The following NALCN variants were observed in gnomAD, a reference collection of about 807,000 sequenced individuals.
The protein encoded by NALCN is sodium leak channel NALCN.
NALCN carries 111 observed loss-of-function variants against 225.3 expected under a neutral mutation model. The ratio of observed to expected loss-of-function variants is 0.49; its 90% CI spans 0.42 to 0.58. NALCN has a LOEUF of 0.58. Among genes scored for constraint, NALCN ranks in the 20% least tolerant of loss-of-function variants. The pLI, the probability that NALCN is intolerant of heterozygous loss-of-function variation, is 0.00. For missense variants in NALCN, 1,378 were observed against 2,202.4 expected, an observed-to-expected ratio of 0.63 and a Z score of 7.49; for synonymous variants, 764 against 769.0, an observed-to-expected ratio of 0.99 and a Z score of 0.11.
chr13:101,413,892 T>C, intron 1 of NALCN, among the ~76,000 whole-genome samples: 1 of 151,952 alleles, frequency 6.6e-6, no homozygotes, highest in East Asian at 1.9e-4. Flanking sequence ...TCTTTTTTTA[T>C]TTTTAAACAG....
At chr13:101,171,186 G>A (rs1007617859) in intron 15 of NALCN, among the ~76,000 whole-genome samples, 14 of 150,994 alleles carry the variant, frequency 9.3e-5, no homozygotes, top group African/African-American at 3.4e-4. Flanking sequence ...TTATATATAT[G>A]TGTGTATAAA....
chr13:101,133,035 C>G (rs1310731670), intron 17 of NALCN, among the ~76,000 whole-genome samples: 1 of 152,076 alleles, frequency 6.6e-6, no homozygotes, highest in East Asian at 1.9e-4. Context: ...ATATTTTACA[C>G]TTACTGATTC....
intron 6 of NALCN, among the ~76,000 whole-genome samples, chr13:101,350,879 C>T (rs1298227689): frequency 6.6e-6 from 1 of 152,208 alleles, no homozygotes; most frequent in East Asian, 1.9e-4. Flanking sequence ...TCAGCTTCTG[C>T]TGAAATTTCC....
At chr13:101,384,051 G>A (rs1414516284) in intron 3 of NALCN, among the ~76,000 whole-genome samples, 2 of 151,988 alleles carry the variant, frequency 1.3e-5, no homozygotes, top group South Asian at 2.1e-4. Context: ...TCAAATTATC[G>A]TCAGAAGCCC....
At chr13:101,258,612 T>A in intron 10 of NALCN, 38 bp from the exon 11 acceptor site, 8 of 1,613,250 alleles carry the variant, frequency 5.0e-6, no homozygotes, top group Non-Finnish European at 6.8e-6. Flanking sequence ...AACAAAGAAA[T>A]AAACCTCATG....
intron 15 of NALCN, among the ~76,000 whole-genome samples, chr13:101,161,746 C>A (rs1486714404): frequency 2.0e-5 from 3 of 152,196 alleles, no homozygotes; most frequent in Non-Finnish European, 4.4e-5. Context: ...GTGGCGCACG[C>A]CTGTAATCCC....
intron 7 of NALCN, among the ~76,000 whole-genome samples, chr13:101,294,184 A>C (rs868406717): frequency 1.1e-4 from 16 of 152,152 alleles, no homozygotes; most frequent in African/African-American, 3.9e-4. Context: ...CTTGATTGAG[A>C]CTGGGGCTTT....
In NALCN at chr13:101,260,514, G is replaced by A. The variant is rs181147376; in HGVS notation, c.1135-1940C>T. On this transcript the variant is annotated intron_variant, in intron 10 of 43. Coordinates refer to ENST00000251127, the MANE Select transcript of NALCN (RefSeq NM_052867.4). ...AGTGTAGAAGGGTTCCCTTTTCTTC[G>A]CATCCTCACCAGCATTTATTATTGC... Among the ~76,000 whole-genome samples the A allele has an allele frequency of 1.1e-4, 17 of 152,082 alleles. 1 individual carries two copies. The highest frequency in any genetic ancestry group is 9.2e-4 in the Admixed American group (14 of 15,272).
chr13:101,257,123 C>T (rs1287784486), intron 11 of NALCN, among the ~76,000 whole-genome samples: 3 of 151,662 alleles, frequency 2.0e-5, no homozygotes, highest in Non-Finnish European at 4.4e-5. Context: ...AAAATTATAC[C>T]TATTTTTCAG....
At chr13:101,158,625 T>C (rs1478695401) in intron 15 of NALCN, among the ~76,000 whole-genome samples, 1 of 152,254 alleles carries the variant, frequency 6.6e-6, no homozygotes, top group Non-Finnish European at 1.5e-5. Context: ...ATCTGCACCA[T>C]TCTTCAGAAG....
chr13:101,386,741 G>T (rs1198210839), intron 3 of NALCN, among the ~76,000 whole-genome samples: 1 of 151,994 alleles, frequency 6.6e-6, no homozygotes, highest in Non-Finnish European at 1.5e-5. Flanking sequence ...TATAAACTAG[G>T]TATCATTGGA....
At chr13:101,268,810 A>T (rs1594568002) in intron 10 of NALCN, among the ~76,000 whole-genome samples, 1 of 152,236 alleles carries the variant, frequency 6.6e-6, no homozygotes. Flanking sequence ...GAAAGCTTCA[A>T]TTTAGGACAA....
intron 15 of NALCN, among the ~76,000 whole-genome samples, chr13:101,154,058 A>G (rs953790818): frequency 1.3e-5 from 2 of 152,322 alleles, no homozygotes; most frequent in South Asian, 4.1e-4. Context: ...ATTTCTCAGA[A>G]TAACAACTGG....
intron 15 of NALCN, among the ~76,000 whole-genome samples, chr13:101,155,163 C>G (rs2139840653): frequency 6.6e-6 from 1 of 152,276 alleles, no homozygotes; most frequent in African/African-American, 2.4e-5. Context: ...AAAGATAGTA[C>G]AGAGAGTTCC....
intron 34 of NALCN, among the ~76,000 whole-genome samples, chr13:101,079,928 C>G (rs943520833): frequency 1.3e-5 from 2 of 152,114 alleles, no homozygotes; most frequent in African/African-American, 4.8e-5. Context: ...CAGCATGTCT[C>G]TAACACTAAG....
intron 7 of NALCN, among the ~76,000 whole-genome samples, chr13:101,301,883 G>A (rs1187108291): frequency 1.3e-5 from 2 of 152,134 alleles, no homozygotes; most frequent in African/African-American, 4.8e-5. Flanking sequence ...GATGCACTAG[G>A]GCAGTGATGA....
At chr13:101,082,658 A>T in intron 33 of NALCN, 151 bp downstream of exon 33, 1 of 749,934 alleles carries the variant, frequency 1.3e-6, no homozygotes, top group Non-Finnish European at 2.3e-6. Flanking sequence ...TGTTCGAGTT[A>T]AGCAGAACCG....
chr13:101,186,237 C>G (rs1277422007), intron 14 of NALCN, among the ~76,000 whole-genome samples: 1 of 152,202 alleles, frequency 6.6e-6, no homozygotes, highest in Non-Finnish European at 1.5e-5. Context: ...CCTCTCTTAC[C>G]ATTTGCATCT....
intron 17 of NALCN, among the ~76,000 whole-genome samples, chr13:101,137,992 C>A (rs2036884523): frequency 6.6e-6 from 1 of 152,224 alleles, no homozygotes; most frequent in Admixed American, 6.5e-5. Flanking sequence ...CAATTTCTCT[C>A]AAACATCGAG....
Sources: gnomAD v4.1 joint callset for allele counts (sites outside exome capture counted in the v4.1 genomes callset) on GRCh38, gnomAD v4.1.1 for gene constraint, MANE v1.5 for transcripts, NCBI Gene and HGNC (gene_info 2026-07-23, HGNC 2026-07-21) for gene names.